GPC5: variants seen among roughly 807,000 people sequenced by gnomAD.
GPC5 encodes glypican 5.
GPC5 carries 47 observed loss-of-function variants against 53.9 expected under a neutral mutation model. That is an observed-to-expected ratio of 0.87 (90% CI 0.69 to 1.11). The LOEUF is 1.11. Among genes scored for constraint, GPC5 ranks in the 50% most tolerant of loss-of-function variants. The pLI is 0.00. For synonymous variants in GPC5, 286 were observed against 263.3 expected, an observed-to-expected ratio of 1.09 and a Z score of -0.84; for missense variants, 748 against 713.1, an observed-to-expected ratio of 1.05 and a Z score of -0.56.
chr13:91,682,800 C>T (rs575420138), intron 2 of GPC5, among the ~76,000 whole-genome samples: 19 of 152,290 alleles, frequency 1.2e-4, no homozygotes, highest in African/African-American at 3.6e-4. Context: ...AGAGCAGACA[C>T]GATTGCATCT....
intron 7 of GPC5, among the ~76,000 whole-genome samples, chr13:92,577,416 A>ATGTGTGTGTGTG (rs1455799151): frequency 4.2e-5 from 4 of 95,602 alleles, no homozygotes; most frequent in Non-Finnish European, 7.4e-5. Context: ...GTATGTATGT[A>ATGTGTGTGTGTG]TATGTGTGTG....
At chr13:92,564,463 T>G (rs922020169) in intron 7 of GPC5, among the ~76,000 whole-genome samples, 2 of 152,098 alleles carry the variant, frequency 1.3e-5, no homozygotes, top group African/African-American at 4.8e-5. Context: ...TTGTTATTAT[T>G]TTTGTGTCTA....
chr13:92,174,366 A>G (rs1421097055), intron 7 of GPC5, among the ~76,000 whole-genome samples: 1 of 30,610 alleles, frequency 3.3e-5, no homozygotes, highest in Non-Finnish European at 5.7e-5. Context: ...CTAAAAACAC[A>G]AAAAAAAAAA....
At chr13:91,796,484 G>A (rs2038049657) in intron 5 of GPC5, among the ~76,000 whole-genome samples, 1 of 152,184 alleles carries the variant, frequency 6.6e-6, no homozygotes, top group Non-Finnish European at 1.5e-5. Flanking sequence ...TACAACAGGA[G>A]GGGACCCAAA....
intron 7 of GPC5, among the ~76,000 whole-genome samples, chr13:92,634,754 C>T (rs1288316989): frequency 1.3e-5 from 2 of 151,930 alleles, no homozygotes; most frequent in Admixed American, 1.3e-4. Flanking sequence ...TTGCCCCTTT[C>T]CCTTGGATCC....
At chr13:92,757,082 T>C (rs9523803) in intron 7 of GPC5, among the ~76,000 whole-genome samples, 83,474 of 150,900 alleles carry the variant, frequency 0.55, 23,824 homozygotes, top group East Asian at 0.9. Context: ...CTTCAAACTA[T>C]ACTACAAGGC....
chr13:91,728,602 A>C lies in GPC5; in HGVS notation c.1091A>C (p.Lys364Thr). 1 of 1,613,576 alleles carries C rather than the reference A, an allele frequency of 6.2e-7. No homozygotes were observed. The change falls in exon 4 of 8, where the codon AAA becomes ACA. Residue 364 changes from lysine to threonine, a missense_variant. Coordinates refer to ENST00000377067, the MANE Select transcript of GPC5 (RefSeq NM_004466.6). ...QSPRCSFDQS[K>T]EKHGMKTTTR... Reference sequence around the variant, plus strand: ...CCCCGTTGTTCTTTTGATCAGAGCAAAGAGAAGCATGGAATGAAGACCACC... The same window carrying C: ...CCCCGTTGTTCTTTTGATCAGAGCACAGAGAAGCATGGAATGAAGACCACC...
At chr13:92,564,057 T>C (rs1882789208) in intron 7 of GPC5, among the ~76,000 whole-genome samples, 1 of 152,048 alleles carries the variant, frequency 6.6e-6, no homozygotes. Context: ...ATTTTTACTG[T>C]GCTATTGCCA....
In GPC5 at chr13:91,934,598, C is replaced by A. The variant is rs566642670; in HGVS notation, c.1401+26541C>A. Among the ~76,000 whole-genome samples, 4 of 152,052 alleles carry A rather than the reference C, an allele frequency of 2.6e-5. No homozygotes were observed. In the South Asian group the frequency reaches 6.2e-4, roughly 24 times the overall value. On this transcript the variant is annotated intron_variant, in intron 6 of 7. Transcript: ENST00000377067. ...TTTTGTTTTGAAACAGAATAGATAG[C>A]AGCTGAAGAATTTACACTGACTCCT... is the stretch of plus-strand genomic sequence containing the variant.
chr13:91,927,254 C>T (rs549613323), intron 6 of GPC5, among the ~76,000 whole-genome samples: 102 of 152,098 alleles, frequency 6.7e-4, no homozygotes, highest in East Asian at 1.3e-3. Context: ...GTTATTAAGA[C>T]GTAATTATAA....
At chr13:92,620,414 G>C (rs927431319) in intron 7 of GPC5, among the ~76,000 whole-genome samples, 1 of 152,128 alleles carries the variant, frequency 6.6e-6, no homozygotes. Flanking sequence ...ACACACATCA[G>C]AGTTCTCCAG....
chr13:91,721,791 T>C (rs1005462111), intron 3 of GPC5, among the ~76,000 whole-genome samples: 1 of 152,216 alleles, frequency 6.6e-6, no homozygotes, highest in African/African-American at 2.4e-5. Context: ...ATAACCTAAA[T>C]ACTACTTTCC....
At chr13:91,796,208 C>A (rs142891354) in intron 5 of GPC5, among the ~76,000 whole-genome samples, 2 of 152,280 alleles carry the variant, frequency 1.3e-5, no homozygotes, top group East Asian at 1.9e-4. Flanking sequence ...TAGTGTTCGG[C>A]TCCATTAGGA....
intron 7 of GPC5, among the ~76,000 whole-genome samples, chr13:92,677,716 G>A (rs962375767): frequency 8.5e-5 from 13 of 152,160 alleles, no homozygotes; most frequent in African/African-American, 3.1e-4. Flanking sequence ...GGCTCAGGAG[G>A]ACAGTATGTG....
At chr13:92,106,724 T>G (rs117889655) in intron 6 of GPC5, among the ~76,000 whole-genome samples, 1 of 152,110 alleles carries the variant, frequency 6.6e-6, no homozygotes, top group African/African-American at 2.4e-5. Context: ...TGTAGCACAT[T>G]GTTTTTGGCC....
intron 7 of GPC5, among the ~76,000 whole-genome samples, chr13:92,664,083 G>A (rs574640946): frequency 8.6e-5 from 13 of 151,502 alleles, no homozygotes; most frequent in Admixed American, 3.9e-4. Context: ...AACAAAAAAA[G>A]ATGGCAAACA....
At chr13:92,419,557 T>G (rs1215724070) in intron 7 of GPC5, among the ~76,000 whole-genome samples, 1 of 152,168 alleles carries the variant, frequency 6.6e-6, no homozygotes, top group Non-Finnish European at 1.5e-5. Flanking sequence ...ACTGTCAAAC[T>G]CACGTTTGTC....
intron 7 of GPC5, among the ~76,000 whole-genome samples, chr13:92,724,617 G>T (rs1186318456): frequency 6.6e-6 from 1 of 151,596 alleles, no homozygotes; most frequent in Non-Finnish European, 1.5e-5. Flanking sequence ...GCCAGACACA[G>T]AAGAATAAAT....
At chr13:92,005,606 A>G (rs2040599451) in intron 6 of GPC5, among the ~76,000 whole-genome samples, 1 of 152,162 alleles carries the variant, frequency 6.6e-6, no homozygotes, top group Admixed American at 6.5e-5. Context: ...TTATATATGT[A>G]TATACACAGA....
Sources: gnomAD v4.1 joint callset for allele counts (sites outside exome capture counted in the v4.1 genomes callset) on GRCh38, gnomAD v4.1.1 for gene constraint, MANE v1.5 for transcripts, NCBI Gene and HGNC (gene_info 2026-07-23, HGNC 2026-07-21) for gene names.